PREX2: variants seen among roughly 807,000 people sequenced by gnomAD.
The protein encoded by PREX2 is phosphatidylinositol-3,4,5-trisphosphate dependent Rac exchange factor 2.
In PREX2, 107 loss-of-function variants were observed where a neutral mutation model predicts 203.2. The observed-to-expected ratio is 0.53, with a 90% confidence interval of 0.45 to 0.62. PREX2 has a LOEUF of 0.62. Ranked by LOEUF, PREX2 falls within the 20% of genes least tolerant of loss-of-function variation. The pLI is 0.00. For synonymous variants in PREX2, 672 were observed against 663.6 expected (o/e 1.01, Z -0.19); for missense variants, 1,777 against 1,955.9 (o/e 0.91, Z 1.72).
intron 13 of PREX2, among the ~76,000 whole-genome samples, chr8:68,070,879 T>C (rs919461106): frequency 1.3e-5 from 2 of 152,110 alleles, no homozygotes; most frequent in African/African-American, 4.8e-5. Flanking sequence ...CCCACAATCC[T>C]GAAAGTGCCC....
At chr8:68,213,677 A>T (rs978686451) in intron 37 of PREX2, among the ~76,000 whole-genome samples, 2 of 152,198 alleles carry the variant, frequency 1.3e-5, no homozygotes, top group African/African-American at 4.8e-5. Context: ...AGTACAAAAT[A>T]TGTCAAGGAG....
At chr8:67,957,505 A>G (rs1472705839) in intron 1 of PREX2, among the ~76,000 whole-genome samples, 1 of 152,112 alleles carries the variant, frequency 6.6e-6, no homozygotes, top group Non-Finnish European at 1.5e-5. Flanking sequence ...AACCTTTCTC[A>G]GATTTGAGCT....
intron 34 of PREX2, among the ~76,000 whole-genome samples, chr8:68,150,439 A>T (rs1246986017): frequency 2.0e-5 from 3 of 152,188 alleles, no homozygotes; most frequent in South Asian, 2.1e-4. Context: ...TGGCATGACC[A>T]ATACCTTCAT....
chr8:68,197,793 T>TATATATGCTATATATATGCTAC (rs1812428301), intron 37 of PREX2, among the ~76,000 whole-genome samples: 1 of 148,574 alleles, frequency 6.7e-6, no homozygotes, highest in Non-Finnish European at 1.5e-5. Context: ...TGCTATATTA[T>TATATATGCTATATATATGCTAC]ATATATGCTA....
intron 1 of PREX2, among the ~76,000 whole-genome samples, chr8:67,989,144 A>C (rs889166514): frequency 1.3e-5 from 2 of 152,200 alleles, no homozygotes; most frequent in Non-Finnish European, 2.9e-5. Flanking sequence ...GATGTGAAAA[A>C]AAAGATAGGA....
chr8:68,064,022 A>G (rs747259580), intron 11 of PREX2, among the ~76,000 whole-genome samples: 118 of 152,330 alleles, frequency 7.7e-4, no homozygotes, highest in Non-Finnish European at 1.4e-3. Context: ...TGCAAATATG[A>G]TTGAGAACTT....
At chr8:68,129,708 G>C (rs960860417) in intron 31 of PREX2, among the ~76,000 whole-genome samples, 1 of 152,058 alleles carries the variant, frequency 6.6e-6, no homozygotes, top group African/African-American at 2.4e-5. Flanking sequence ...AGATTAAATA[G>C]TGTAATTTAA....
intron 34 of PREX2, among the ~76,000 whole-genome samples, chr8:68,155,482 A>C (rs1032699900): frequency 1.3e-5 from 2 of 152,150 alleles, no homozygotes; most frequent in Non-Finnish European, 2.9e-5. Context: ...GACTAGTTTA[A>C]TAAAACTATA....
chr8:67,973,098 A>G (rs1364630799), intron 1 of PREX2, among the ~76,000 whole-genome samples: 2 of 152,054 alleles, frequency 1.3e-5, no homozygotes, highest in Non-Finnish European at 2.9e-5. Flanking sequence ...TCTAAGTGTC[A>G]CTAGATATAC....
chr8:68,139,123 G>A (rs1811169884), intron 33 of PREX2, among the ~76,000 whole-genome samples: 1 of 152,024 alleles, frequency 6.6e-6, no homozygotes, highest in Non-Finnish European at 1.5e-5. Context: ...GTTAAGGTGA[G>A]GAGAGATAAA....
chr8:68,153,909 A>T (rs1442693697), intron 34 of PREX2, among the ~76,000 whole-genome samples: 5 of 152,250 alleles, frequency 3.3e-5, no homozygotes, highest in Admixed American at 3.3e-4. Context: ...CAAAAATGTA[A>T]TGAAAATGGA....
At chr8:68,076,105 A>T (rs1284419264) in intron 14 of PREX2, among the ~76,000 whole-genome samples, 1 of 152,170 alleles carries the variant, frequency 6.6e-6, no homozygotes, top group Non-Finnish European at 1.5e-5. Flanking sequence ...GAATTTTGAT[A>T]CATTATGATT....
chr8:68,037,525 G>A (rs1808069162), intron 6 of PREX2, among the ~76,000 whole-genome samples: 1 of 152,108 alleles, frequency 6.6e-6, no homozygotes, highest in African/African-American at 2.4e-5. Flanking sequence ...AGTTCTAGTG[G>A]CCAGTGCTTG....
At chr8:68,211,438 C>T (rs1206598564) in intron 37 of PREX2, among the ~76,000 whole-genome samples, 1 of 152,136 alleles carries the variant, frequency 6.6e-6, no homozygotes, top group Non-Finnish European at 1.5e-5. Flanking sequence ...CTGGGATTTA[C>T]TTGTGTTCCA....
Position 67,966,108 on chromosome 8 carries a change from G to A in PREX2, c.141+13573G>A, listed in dbSNP as rs190846630. 1.2e-3 allele frequency among the ~76,000 whole-genome samples: 188 copies of A among 152,232 alleles called. 2 individuals carry two copies. The highest frequency in any genetic ancestry group is 4.2e-3 in the African/African-American group (176 of 41,552). On this transcript the variant is annotated intron_variant, in intron 1 of 39. Transcript: ENST00000288368. ...CAGAAAATTTGAGAGCTTAGTACTT[G>A]ACTGGATCTTCAATTTTAAATATAT...
At position 68,233,498 on chromosome 8, in the gene PREX2, T is replaced by C. The variant is rs911645977; in HGVS notation, c.*2120T>C. On this transcript the variant is annotated 3_prime_UTR_variant, in exon 40 of 40. Transcript: ENST00000288368. ...TAGGGTTAAACATAAGTGTGTCGTCTATCATGCTTGGTACTTACTAAATGC... is the reference window on the plus strand; with the variant it reads ...TAGGGTTAAACATAAGTGTGTCGTCCATCATGCTTGGTACTTACTAAATGC... 21 of 152,210 alleles carry C rather than the reference T, an allele frequency of 1.4e-4. No individual in the cohort carries two copies. The highest frequency in any genetic ancestry group is 5.1e-4 in the African/African-American group (21 of 41,470). 9.4% of individuals were successfully genotyped at this position (152,210 alleles called of 1,614,324 possible). A position where few individuals can be genotyped will look rare whatever the true frequency, so the allele number is the denominator to read the frequency against.
In PREX2 at chr8:68,167,194, G is replaced by A. The variant is rs139022533; in HGVS notation, c.4346+9758G>A. Among the ~76,000 whole-genome samples, 555 of 152,194 alleles carry A rather than the reference G, an allele frequency of 3.6e-3. 4 individuals are homozygous for A. Among genetic ancestry groups the A allele is most frequent in the African/African-American group, 0.01 (429 of 41,516 alleles). On this transcript the variant is annotated intron_variant, in intron 35 of 39. Transcript: ENST00000288368. ...ACTGTGTCACTGTCCTGCTCAAAGC[G>A]CTTTAGTGATGTCTTATTCCCACCT...
intron 35 of PREX2, among the ~76,000 whole-genome samples, chr8:68,166,598 A>T (rs1811765418): frequency 6.6e-6 from 1 of 152,202 alleles, no homozygotes; most frequent in Non-Finnish European, 1.5e-5. Context: ...TAAGAAGTTT[A>T]AGTCCAATCT....
In PREX2 at chr8:68,235,748, T is replaced by C. The variant is rs12544661; in HGVS notation, c.*4370T>C. ...ACAACTCCATACTAGTCATTACAGTTAGTCTTTGGTTTCACAAAAATGTTA... is the reference window on the plus strand; with the variant it reads ...ACAACTCCATACTAGTCATTACAGTCAGTCTTTGGTTTCACAAAAATGTTA... On this transcript the variant is annotated 3_prime_UTR_variant, in exon 40 of 40. Coordinates refer to ENST00000288368, the MANE Select transcript of PREX2 (RefSeq NM_024870.4). 41,426 of 151,982 alleles carry C rather than the reference T, an allele frequency of 0.27. 6,162 individuals are homozygous for C. The highest frequency in any genetic ancestry group is 0.46 in the South Asian group (2,205 of 4,806). 9.4% of individuals were successfully genotyped at this position (151,982 alleles called of 1,614,324 possible). A position where few individuals can be genotyped will look rare whatever the true frequency, so the allele number is the denominator to read the frequency against.
Sources: gnomAD v4.1 joint callset for allele counts (sites outside exome capture counted in the v4.1 genomes callset) on GRCh38, gnomAD v4.1.1 for gene constraint, MANE v1.5 for transcripts, NCBI Gene and HGNC (gene_info 2026-07-23, HGNC 2026-07-21) for gene names.